DHX57: variants seen among roughly 807,000 people sequenced by gnomAD.
DHX57 encodes the protein DExH-box helicase 57, also known as putative ATP-dependent RNA helicase DHX57.
In DHX57, 105 loss-of-function variants were observed where a neutral mutation model predicts 156.2. The observed-to-expected ratio is 0.67, with a 90% CI of 0.57 to 0.79. The LOEUF is 0.79. DHX57 is among the 30% of genes least tolerant of loss of function. The pLI, the probability that DHX57 is intolerant of heterozygous loss-of-function variation, is 0.00. For synonymous variants in DHX57, 704 were observed against 595.6 expected (o/e 1.18, Z -2.65); for missense variants, 1,847 against 1,661.9 (o/e 1.11, Z -1.94).
At chr2:38,875,659 T>G (rs753038303) in intron 1 of DHX57, 128 bp downstream of exon 1, 197 of 172,016 alleles carry the variant, frequency 1.1e-3, no homozygotes, top group Middle Eastern at 7.4e-3. Context: ...TGAAACACAC[T>G]GGGCCGCGAT....
chr2:38,799,058 T>C (rs957504763), intron 23 of DHX57, among the ~76,000 whole-genome samples: 7 of 151,302 alleles, frequency 4.6e-5, no homozygotes, highest in African/African-American at 1.7e-4. Flanking sequence ...AGCAGGAAAA[T>C]GGGGAATTAA....
At position 38,862,196 on chromosome 2, in the gene DHX57, G is replaced by C; in HGVS notation, c.521C>G (p.Pro174Arg). 1.2e-6 allele frequency: 2 copies of C among 1,613,242 alleles called. No individual in the cohort carries two copies. Among genetic ancestry groups the C allele is most frequent in the South Asian group, 2.2e-5 (2 of 90,936 alleles). ...LEYAGLASVE[P>R]YVPEFTVSPF... The stretch of plus-strand genomic sequence containing the variant: ...GGAGACTGTAAATTCTGGAACATAA[G>C]GCTCCACTGAGGCTAAGCCAGCATA... Residue 174 changes from proline (P) to arginine (R), a missense_variant, in exon 4 of 24, where the codon CCT becomes CGT. Physicochemically the swap from Pro to Arg is moderately radical, Grantham distance 103. Transcript: ENST00000457308.
intron 9 of DHX57, chr2:38,853,493 T>G (rs1383755507): frequency 6.6e-6 from 1 of 152,296 alleles, no homozygotes; most frequent in Non-Finnish European, 1.5e-5. Flanking sequence ...GGTCTCTCCC[T>G]CCAAACACAG....
At position 38,825,893 on chromosome 2, in the gene DHX57, G is replaced by A; in HGVS notation, c.2968C>T (p.Gln990Ter). 2 of 1,614,172 alleles carry A rather than the reference G, an allele frequency of 1.2e-6. No homozygotes were observed. The highest frequency in any genetic ancestry group is 2.7e-5 in the African/African-American group (2 of 75,048). Residue 990 changes from glutamine (Q) to a stop codon, truncating the protein, a stop_gained, in exon 16 of 24, where the codon CAG (glutamine) becomes TAG (stop). Coordinates refer to ENST00000457308, the MANE Select transcript of DHX57 (RefSeq NM_198963.3). LOFTEE classifies it high-confidence loss of function. ...HHYNHQLLKQ[Q>*]LPEIQRVPLE... Reference sequence around the variant, plus strand: ...GGCACTCTTTGTATTTCTGGTAGCTGTTGTTTTAAAAGCTGGTGATTGTAG... The same window carrying A: ...GGCACTCTTTGTATTTCTGGTAGCTATTGTTTTAAAAGCTGGTGATTGTAG...
chr2:38,831,066 T>A (rs1047306279), intron 13 of DHX57, among the ~76,000 whole-genome samples: 1 of 150,394 alleles, frequency 6.6e-6, no homozygotes, highest in African/African-American at 2.5e-5. Flanking sequence ...AAACTCTGTC[T>A]CAAAAAGAAA....
intron 11 of DHX57, among the ~76,000 whole-genome samples, chr2:38,844,629 CAAAAAAAAAAAAAAA>C (rs61728283): frequency 5.5e-4 from 1 of 1,814 alleles, no homozygotes; most frequent in African/African-American, 5.7e-4. Flanking sequence ...GACTCCGTCT[CAAAAAAAAAAAAAAA>C]AAAAAAAAAA....
intron 2 of DHX57, among the ~76,000 whole-genome samples, chr2:38,866,794 C>A (rs559076918): frequency 2.0e-5 from 3 of 152,336 alleles, no homozygotes; most frequent in Admixed American, 2.0e-4. Context: ...GGCACAGTGG[C>A]TCACGCCTGT....
In DHX57 at chr2:38,798,159, C is replaced by T; in HGVS notation, c.*140G>A. 1.7e-6 allele frequency: 2 copies of T among 1,160,734 alleles called. No individual in the cohort carries two copies. The highest frequency in any genetic ancestry group is 2.4e-6 in the Non-Finnish European group (2 of 825,160). 71.9% of individuals were successfully genotyped at this position (1,160,734 alleles called of 1,614,324 possible). On this transcript the variant is annotated 3_prime_UTR_variant, in exon 24 of 24. Transcript: ENST00000457308. ...GGCCCTAAGGGTATATACACTGCCT[C>T]AGCTGCCTTGGGCTTCATGCCCTGG...
intron 22 of DHX57, 40 bp from the exon 23 acceptor site, chr2:38,802,955 G>A (rs773361090): frequency 2.5e-5 from 41 of 1,607,856 alleles, no homozygotes; most frequent in East Asian, 4.5e-5. Context: ...TGATGTCACT[G>A]GCAACAAAAA....
intron 21 of DHX57, among the ~76,000 whole-genome samples, chr2:38,807,447 T>C (rs1670009518): frequency 6.6e-6 from 1 of 152,040 alleles, no homozygotes; most frequent in Non-Finnish European, 1.5e-5. Context: ...AAGTTCCGCC[T>C]CCCGGGTTCA....
chr2:38,854,249 T>C, intron 8 of DHX57, 71 bp from the exon 9 acceptor site: 1 of 1,495,386 alleles, frequency 6.7e-7, no homozygotes, highest in Non-Finnish European at 9.1e-7. Context: ...TGGAAAGCCA[T>C]TTTGAATGGA....
chr2:38,817,045 C>G (rs1670579004), intron 19 of DHX57, among the ~76,000 whole-genome samples: 1 of 152,164 alleles, frequency 6.6e-6, no homozygotes, highest in Admixed American at 6.6e-5. Flanking sequence ...ATTAGTGATT[C>G]TCAGCCTCCA....
At chr2:38,799,653 G>A (rs1445857096) in intron 23 of DHX57, among the ~76,000 whole-genome samples, 18 of 150,696 alleles carry the variant, frequency 1.2e-4, no homozygotes, top group Non-Finnish European at 2.5e-4. Flanking sequence ...GGGAGGCTGA[G>A]GCAGGAGAAT....
At chr2:38,869,041 A>G (rs1047368881) in intron 1 of DHX57, among the ~76,000 whole-genome samples, 2 of 152,294 alleles carry the variant, frequency 1.3e-5, no homozygotes, top group South Asian at 4.1e-4. Context: ...ACCTCAAGTG[A>G]TCTGCGCACC....
intron 11 of DHX57, among the ~76,000 whole-genome samples, chr2:38,845,469 T>C (rs1445260203): frequency 6.6e-6 from 1 of 152,094 alleles, no homozygotes; most frequent in Non-Finnish European, 1.5e-5. Flanking sequence ...GGGGGCTTAT[T>C]AGAGAAGGAA....
chr2:38,849,266 C>T (rs938174925), intron 9 of DHX57, among the ~76,000 whole-genome samples: 29 of 152,146 alleles, frequency 1.9e-4, no homozygotes, highest in African/African-American at 6.5e-4. Flanking sequence ...AACATGAAAA[C>T]ATCTCTAAGA....
chr2:38,819,180 T>TA (rs2148553777), intron 17 of DHX57, 36 bp from the exon 18 acceptor site: 1 of 1,047,892 alleles, frequency 9.5e-7, no homozygotes, highest in Non-Finnish European at 1.3e-6. Flanking sequence ...TAAAGAACAC[T>TA]TTTTTTTTTT....
intron 13 of DHX57, among the ~76,000 whole-genome samples, chr2:38,830,998 G>T (rs545368306): frequency 2.7e-4 from 41 of 152,186 alleles, no homozygotes; most frequent in African/African-American, 9.2e-4. Context: ...AAGCCAGGAA[G>T]TTGGGGCTGC....
intron 1 of DHX57, among the ~76,000 whole-genome samples, chr2:38,869,748 G>A (rs912941474): frequency 6.6e-6 from 1 of 152,206 alleles, no homozygotes; most frequent in East Asian, 1.9e-4. Context: ...AGTTGTTACA[G>A]TATGTTATCC....
Sources: allele counts gnomAD v4.1 joint callset (sites outside exome capture counted in the v4.1 genomes callset), GRCh38; gene constraint gnomAD v4.1.1; transcripts MANE v1.5; gene names NCBI Gene and HGNC (gene_info 2026-07-23, HGNC 2026-07-21).